DYRK1A: variants seen among roughly 807,000 people sequenced by gnomAD.
DYRK1A encodes dual specificity tyrosine-phosphorylation-regulated kinase 1A.
Under a neutral mutation model 79.7 loss-of-function variants are expected in DYRK1A, and 9 were observed. The ratio of observed to expected loss-of-function variants is 0.11; its 90% CI spans 0.07 to 0.20. DYRK1A has a LOEUF of 0.20. Among genes scored for constraint, DYRK1A ranks in the 10% least tolerant of loss-of-function variants. DYRK1A has a pLI of 1.00. For synonymous variants in DYRK1A, 349 were observed against 329.7 expected (o/e 1.06, Z -0.63); for missense variants, 622 against 956.0 (o/e 0.65, Z 4.61).
rs2148666348 is a variant in DYRK1A at position 37,514,145 on chromosome 21, C to T, written c.*1614C>T. The T allele has an allele frequency of 1.3e-5, 2 of 152,782 alleles. No individual in the cohort carries two copies. Among genetic ancestry groups the T allele is most frequent in the East Asian group, 1.9e-4 (1 of 5,192 alleles). 9.5% of individuals were successfully genotyped at this position (152,782 alleles called of 1,614,324 possible). On this transcript the variant is annotated 3_prime_UTR_variant, in exon 12 of 12. Transcript: ENST00000647188. ...GATTCTTGTATTCCTGATTAACCTA[C>T]TTGTAAACTTGAAAGCAAGACCTTG...
chr21:37,438,825 A>G (rs1391672950), intron 2 of DYRK1A, among the ~76,000 whole-genome samples: 1 of 152,178 alleles, frequency 6.6e-6, no homozygotes, highest in Non-Finnish European at 1.5e-5. Flanking sequence ...TTTTCATATG[A>G]ATTTTCAAAT....
intron 2 of DYRK1A, among the ~76,000 whole-genome samples, chr21:37,435,341 G>A (rs1449738369): frequency 6.6e-6 from 1 of 152,218 alleles, no homozygotes; most frequent in Non-Finnish European, 1.5e-5. Context: ...TGTTGCTGGG[G>A]TTCAGGGATG....
At position 37,521,257 on chromosome 21, in the gene DYRK1A, A is replaced by T. The variant is rs2053933443; in HGVS notation, c.*8726A>T. ...GAAGCAAAACGGTAAATTTCCTTTT[A>T]CTGGCAAAATTAAAACAGTGAACTT... On this transcript the variant is annotated 3_prime_UTR_variant, in exon 12 of 12. Coordinates refer to ENST00000647188, the MANE Select transcript of DYRK1A (RefSeq NM_001347721.2). 1 of 152,246 alleles carries T rather than the reference A, an allele frequency of 6.6e-6. No homozygotes were observed. The highest frequency in any genetic ancestry group is 2.4e-5 in the African/African-American group (1 of 41,458). 9.4% of individuals were successfully genotyped at this position (152,246 alleles called of 1,614,324 possible). A position where few individuals can be genotyped will look rare whatever the true frequency, so the allele number is the denominator to read the frequency against.
chr21:37,453,172 C>T (rs1474208269), intron 2 of DYRK1A, among the ~76,000 whole-genome samples: 2 of 152,210 alleles, frequency 1.3e-5, no homozygotes, highest in East Asian at 3.9e-4. Context: ...TTTAATTTAC[C>T]TGGTGTTTCC....
intron 1 of DYRK1A, among the ~76,000 whole-genome samples, chr21:37,377,109 T>C (rs2049559984): frequency 6.6e-6 from 1 of 152,034 alleles, no homozygotes; most frequent in Admixed American, 6.6e-5. Flanking sequence ...TTTTGCAACT[T>C]AAGCTTTTTA....
chr21:37,479,595 T>G (rs570929077), intron 4 of DYRK1A, among the ~76,000 whole-genome samples: 10 of 66,800 alleles, frequency 1.5e-4, no homozygotes, highest in East Asian at 5.9e-4. Context: ...TGGTGTTTTG[T>G]TTTTGTTTTT....
intron 1 of DYRK1A, among the ~76,000 whole-genome samples, chr21:37,370,323 T>C (rs1290832147): frequency 6.6e-6 from 1 of 152,122 alleles, no homozygotes; most frequent in Non-Finnish European, 1.5e-5. Flanking sequence ...CTTGGAAATT[T>C]AGGCTGCCCT....
chr21:37,385,506 C>T (rs1424077241), intron 1 of DYRK1A, among the ~76,000 whole-genome samples: 2 of 151,098 alleles, frequency 1.3e-5, no homozygotes, highest in East Asian at 1.9e-4. Flanking sequence ...AAAAGAGTCA[C>T]CTTGCAAGAG....
rs998719337 is a variant in DYRK1A at position 37,442,127 on chromosome 21, G to A, written c.10+21743G>A. On this transcript the variant is annotated intron_variant, in intron 2 of 11. Transcript: ENST00000647188. ...ATATAATATGTCTCTTTTTCTGGCCGTTTTTAAGATTTTTCTGTTTATCAT... is the reference window on the plus strand; with the variant it reads ...ATATAATATGTCTCTTTTTCTGGCCATTTTTAAGATTTTTCTGTTTATCAT... 3.3e-5 allele frequency among the ~76,000 whole-genome samples: 5 copies of A among 151,670 alleles called. No homozygotes were observed. The East Asian group carries it at 5.8e-4, about 18-fold the overall frequency.
In DYRK1A at chr21:37,522,275, A is replaced by G. The variant is rs2053940053; in HGVS notation, c.*9744A>G. 1 of 152,194 alleles carries G rather than the reference A, an allele frequency of 6.6e-6. No individual in the cohort carries two copies. Among genetic ancestry groups the G allele is most frequent in the South Asian group, 2.1e-4 (1 of 4,820 alleles). 9.4% of individuals were successfully genotyped at this position (152,194 alleles called of 1,614,324 possible). The stretch of plus-strand genomic sequence containing the variant: ...CCCAGACCACTGGATGAGAATCTGC[A>G]TTTGAACAAGGTCCCCAGGTCATTC... On this transcript the variant is annotated 3_prime_UTR_variant, in exon 12 of 12. Coordinates refer to ENST00000647188, the MANE Select transcript of DYRK1A (RefSeq NM_001347721.2).
At chr21:37,401,235 C>T (rs1438147309) in intron 1 of DYRK1A, among the ~76,000 whole-genome samples, 5 of 151,902 alleles carry the variant, frequency 3.3e-5, no homozygotes, top group South Asian at 4.2e-4. Context: ...TCTAATATAG[C>T]CCATTGTGAA....
At chr21:37,496,658 T>A (rs2053279056) in intron 9 of DYRK1A, among the ~76,000 whole-genome samples, 1 of 152,106 alleles carries the variant, frequency 6.6e-6, no homozygotes, top group Non-Finnish European at 1.5e-5. Context: ...TTTTTTTTTT[T>A]AAGTTCAGTT....
chr21:37,492,644 G>A (rs899370134), intron 7 of DYRK1A, among the ~76,000 whole-genome samples: 4 of 152,008 alleles, frequency 2.6e-5, no homozygotes, highest in Admixed American at 6.5e-5. Context: ...TAGTTGTAAA[G>A]TTAGTGGTAA....
In DYRK1A at chr21:37,472,730, G is replaced by A. The variant is rs747774015; in HGVS notation, c.57G>A (p.Pro19=). The A allele has an allele frequency of 1.8e-5, 29 of 1,609,810 alleles. No homozygotes were observed. In the East Asian group the frequency reaches 5.1e-4, roughly 29 times the overall value. The stretch of plus-strand genomic sequence containing the variant: ...AACCTTCATCTGTTCGGCTTGCACC[G>A]TCATTTTCATTCCATGCTGCTGGCC... The part of the protein sequence containing the change: ...ACKPSSVRLA[P]SFSFHAAGLQ... The change falls in exon 3 of 12, where the codon CCG becomes CCA. Residue 19 remains proline (P), a synonymous_variant. Transcript: ENST00000647188.
intron 1 of DYRK1A, chr21:37,419,185 A>G (rs1181152651): frequency 6.6e-6 from 1 of 152,178 alleles, no homozygotes; most frequent in Non-Finnish European, 1.5e-5. Flanking sequence ...ATTTTAGTCC[A>G]GTTGGTTTCT....
At chr21:37,409,584 A>AT (rs1254735906) in intron 1 of DYRK1A, among the ~76,000 whole-genome samples, 1 of 152,128 alleles carries the variant, frequency 6.6e-6, no homozygotes, top group Non-Finnish European at 1.5e-5. Flanking sequence ...CATGAAAGGG[A>AT]TTTTTTAATG....
chr21:37,435,694 G>GT, intron 2 of DYRK1A, among the ~76,000 whole-genome samples: 1 of 152,176 alleles, frequency 6.6e-6, no homozygotes, highest in East Asian at 1.9e-4. Flanking sequence ...CTTGTAGTAA[G>GT]TAGCATGCTT....
chr21:37,419,279 A>C (rs2835726), intron 1 of DYRK1A: 75,768 of 151,988 alleles, frequency 0.5, 19,530 homozygotes, highest in African/African-American at 0.63. Flanking sequence ...ACTTAGGGAA[A>C]AGGATTATTA....
intron 2 of DYRK1A, among the ~76,000 whole-genome samples, chr21:37,457,263 C>G (rs964995187): frequency 6.6e-6 from 1 of 152,104 alleles, no homozygotes; most frequent in Non-Finnish European, 1.5e-5. Flanking sequence ...GACAGAGTCT[C>G]ACTCTGTTGC....
Sources: allele counts gnomAD v4.1 joint callset (sites outside exome capture counted in the v4.1 genomes callset), GRCh38; gene constraint gnomAD v4.1.1; transcripts MANE v1.5; gene names NCBI Gene and HGNC (gene_info 2026-07-23, HGNC 2026-07-21).